Variants in NCAM2 observed in about 807,000 individuals in gnomAD.
NCAM2 encodes neural cell adhesion molecule 2, also known as N-CAM-2.
Under a neutral mutation model 98.1 loss-of-function variants are expected in NCAM2, and 30 were observed. That is an observed-to-expected ratio of 0.31 (90% CI 0.23 to 0.41). The LOEUF (loss-of-function observed/expected upper bound fraction) is 0.41, where lower values mean the gene tolerates loss of function less well. NCAM2 is among the 10% of genes least tolerant of loss of function. NCAM2 has a pLI of 1.00. For synonymous variants in NCAM2, 368 were observed against 342.4 expected (o/e 1.07, Z -0.83); for missense variants, 867 against 1,005.8 (o/e 0.86, Z 1.87).
chr21:21,480,746 G>A (rs1257059163), intron 15 of NCAM2, among the ~76,000 whole-genome samples: 1 of 152,132 alleles, frequency 6.6e-6, no homozygotes, highest in Admixed American at 6.5e-5. Flanking sequence ...GATGAACAGC[G>A]GTAGAAAAAA....
At chr21:21,077,298 T>C (rs1462169936) in intron 1 of NCAM2, among the ~76,000 whole-genome samples, 1 of 152,184 alleles carries the variant, frequency 6.6e-6, no homozygotes, top group East Asian at 1.9e-4. Context: ...CATTAAATGA[T>C]TTAAGCCTAA....
At chr21:21,431,772 A>T (rs142487142) in intron 11 of NCAM2, among the ~76,000 whole-genome samples, 1 of 150,494 alleles carries the variant, frequency 6.6e-6, no homozygotes, top group African/African-American at 2.4e-5. Flanking sequence ...TCTCTCTTTT[A>T]TTTTTTTTTC....
At chr21:21,228,295 C>CA (rs1280482236) in intron 1 of NCAM2, among the ~76,000 whole-genome samples, 1 of 151,214 alleles carries the variant, frequency 6.6e-6, no homozygotes, top group Admixed American at 6.6e-5. Flanking sequence ...AATAGAAAGT[C>CA]ATACAATTTA....
At chr21:21,294,185 A>G (rs1284301118) in intron 5 of NCAM2, among the ~76,000 whole-genome samples, 1 of 151,662 alleles carries the variant, frequency 6.6e-6, no homozygotes, top group African/African-American at 2.4e-5. Context: ...AGCATGTTGT[A>G]ATCTTTTTCC....
Position 21,529,018 on chromosome 21 carries a change from A to G in NCAM2, c.2283-5519A>G, listed in dbSNP as rs149106134. 7.0e-3 allele frequency among the ~76,000 whole-genome samples: 1,060 copies of G among 152,264 alleles called. 14 individuals carry two copies. The highest frequency in any genetic ancestry group is 0.023 in the African/African-American group (963 of 41,560). ...GAAATTTTGCTGTTGTCTATTTGGC[A>G]TATTTGAATCATTTTCATCCTTTCT... is the stretch of plus-strand genomic sequence containing the variant. On this transcript the variant is annotated intron_variant, in intron 16 of 17. Transcript: ENST00000400546.
chr21:21,411,126 ACATATATATG>A (rs1190822344), intron 10 of NCAM2, among the ~76,000 whole-genome samples: 5 of 69,976 alleles, frequency 7.1e-5, no homozygotes, highest in Non-Finnish European at 1.3e-4. Context: ...ATATATATAC[ACATATATATG>A]TATATATATA....
rs75952470 is a variant in NCAM2 at position 21,492,282 on chromosome 21, A to G, written c.2077+14811A>G. Among the ~76,000 whole-genome samples, 63 of 151,964 alleles carry G rather than the reference A, an allele frequency of 4.1e-4. No homozygotes were observed. The East Asian group carries it at 0.012, about 28-fold the overall frequency. Reference sequence around the variant, plus strand: ...AGTAAATTTCTGACCTATAAGTTATATGGTCATATGTCTTAGGTCTAGTTC... The same window carrying G: ...AGTAAATTTCTGACCTATAAGTTATGTGGTCATATGTCTTAGGTCTAGTTC... On this transcript the variant is annotated intron_variant, in intron 15 of 17. Coordinates refer to ENST00000400546, the MANE Select transcript of NCAM2 (RefSeq NM_004540.5).
intron 1 of NCAM2, among the ~76,000 whole-genome samples, chr21:21,167,233 C>G (rs2067981518): frequency 6.6e-6 from 1 of 151,790 alleles, no homozygotes; most frequent in Admixed American, 6.6e-5. Flanking sequence ...TCTCACCCTC[C>G]CCTTGAAATC....
At chr21:21,383,955 A>T (rs1569002970) in intron 9 of NCAM2, among the ~76,000 whole-genome samples, 1 of 152,050 alleles carries the variant, frequency 6.6e-6, no homozygotes, top group African/African-American at 2.4e-5. Flanking sequence ...TCAGTGTATC[A>T]GTCCTTTGGA....
intron 5 of NCAM2, among the ~76,000 whole-genome samples, chr21:21,295,208 CA>C (rs11367243): frequency 1 from 151,880 of 151,882 alleles, 75,939 homozygotes; most frequent in Middle Eastern, 1. Context: ...TTTGTTCTTG[CA>C]AAACTTTTCC....
At chr21:21,164,319 T>A (rs536286359) in intron 1 of NCAM2, among the ~76,000 whole-genome samples, 27 of 152,318 alleles carry the variant, frequency 1.8e-4, no homozygotes, top group African/African-American at 6.0e-4. Flanking sequence ...TTACAAATAC[T>A]TTTTTGGAAA....
In NCAM2 at chr21:21,466,659, G is replaced by A. The variant is rs1983722822; in HGVS notation, c.1708G>A (p.Ala570Thr). 6.2e-7 allele frequency: 1 copy of A among 1,609,890 alleles called. No homozygotes were observed. The highest frequency in any genetic ancestry group is 8.5e-7 in the Non-Finnish European group (1 of 1,177,534). ...EPNTTYEIRV[A>T]AVNGKGQGDY... ...AAATACAACTTATGAAATCAGGGTT[G>A]CAGCTGTAAATGGAAAGGGACAAGG... Residue 570 changes from alanine (A) to threonine (T), a missense_variant, in exon 13 of 18, where the codon GCA becomes ACA. By Grantham distance (58) the Ala-to-Thr change is moderately conservative. Transcript: ENST00000400546.
At chr21:21,357,902 A>G (rs1344432916) in intron 8 of NCAM2, among the ~76,000 whole-genome samples, 1 of 152,184 alleles carries the variant, frequency 6.6e-6, no homozygotes, top group Non-Finnish European at 1.5e-5. Context: ...TAATTGAAGG[A>G]ACAATAATAT....
intron 1 of NCAM2, among the ~76,000 whole-genome samples, chr21:21,240,800 A>G (rs2071035696): frequency 6.6e-6 from 1 of 152,204 alleles, no homozygotes; most frequent in South Asian, 2.1e-4. Context: ...TAGGCAATTT[A>G]CTTACCTTCT....
intron 12 of NCAM2, among the ~76,000 whole-genome samples, chr21:21,450,791 TATACAC>T (rs1385920578): frequency 5.9e-5 from 5 of 85,228 alleles, no homozygotes; most frequent in Non-Finnish European, 1.3e-4. Context: ...TGTATGTATG[TATACAC>T]ACACACACAC....
At chr21:21,484,961 T>G (rs114308) in intron 15 of NCAM2, among the ~76,000 whole-genome samples, 117,287 of 152,066 alleles carry the variant, frequency 0.77, 46,031 homozygotes, top group African/African-American at 0.87. Context: ...GCCATACTTT[T>G]TAAAAATCAT....
intron 12 of NCAM2, among the ~76,000 whole-genome samples, chr21:21,433,306 G>A (rs2077384544): frequency 6.6e-6 from 1 of 152,136 alleles, no homozygotes; most frequent in South Asian, 2.1e-4. Flanking sequence ...CACATTGTGT[G>A]GTTTAGGAGA....
chr21:21,425,132 G>A (rs988709259), intron 11 of NCAM2, among the ~76,000 whole-genome samples: 2 of 144,482 alleles, frequency 1.4e-5, no homozygotes, highest in African/African-American at 2.6e-5. Flanking sequence ...TATTCATAAA[G>A]CAACATGATT....
chr21:21,159,587 C>T (rs776008290), intron 1 of NCAM2, among the ~76,000 whole-genome samples: 21 of 152,072 alleles, frequency 1.4e-4, no homozygotes, highest in African/African-American at 4.6e-4. Context: ...ACATGCTATA[C>T]GTGTTTATAG....
Sources: allele counts gnomAD v4.1 joint callset (sites outside exome capture counted in the v4.1 genomes callset), GRCh38; gene constraint gnomAD v4.1.1; transcripts MANE v1.5; gene names NCBI Gene and HGNC (gene_info 2026-07-23, HGNC 2026-07-21).